The following PDE10A variants were observed in gnomAD, a reference collection of about 807,000 sequenced individuals.
The protein encoded by PDE10A is cAMP and cAMP-inhibited cGMP 3',5'-cyclic phosphodiesterase 10A.
PDE10A carries 39 observed loss-of-function variants against 97.7 expected under a neutral mutation model. That is an observed-to-expected ratio of 0.40 (90% CI 0.31 to 0.52). PDE10A has a LOEUF of 0.52. PDE10A is among the 20% of genes least tolerant of loss of function. The pLI is 0.56. For synonymous variants in PDE10A, 371 were observed against 376.8 expected, an observed-to-expected ratio of 0.98 and a Z score of 0.18; for missense variants, 731 against 1,047.8, an observed-to-expected ratio of 0.70 and a Z score of 4.17.
chr6:165,880,733 T>TA (rs1781449994), intron 1 of PDE10A, among the ~76,000 whole-genome samples: 1 of 152,238 alleles, frequency 6.6e-6, no homozygotes, highest in Admixed American at 6.5e-5. Context: ...TTTCCAATCA[T>TA]AAAATCATAC....
At chr6:165,709,920 C>T (rs1791852656) in intron 1 of PDE10A, among the ~76,000 whole-genome samples, 1 of 151,746 alleles carries the variant, frequency 6.6e-6, no homozygotes, top group Non-Finnish European at 1.5e-5. Context: ...AAGATCAAGA[C>T]CTATCACCTC....
At chr6:165,973,481 G>T (rs767938919) in intron 1 of PDE10A, among the ~76,000 whole-genome samples, 1 of 152,020 alleles carries the variant, frequency 6.6e-6, no homozygotes, top group Non-Finnish European at 1.5e-5. Context: ...CATATGTTTT[G>T]TGAGTGAAAG....
intron 1 of PDE10A, among the ~76,000 whole-genome samples, chr6:165,607,052 C>T (rs538990822): frequency 6.6e-6 from 1 of 152,114 alleles, no homozygotes; most frequent in Admixed American, 6.5e-5. Flanking sequence ...TATTTTCTTG[C>T]TTCCCAACTT....
At chr6:165,514,421 G>A (rs1344331518) in intron 2 of PDE10A, among the ~76,000 whole-genome samples, 2 of 152,180 alleles carry the variant, frequency 1.3e-5, no homozygotes, top group Admixed American at 1.3e-4. Flanking sequence ...GTTTGCTGTG[G>A]GAAGATGTTT....
chr6:165,482,165 T>A (rs1779642346), intron 3 of PDE10A, 150 bp downstream of exon 3: 1 of 688,788 alleles, frequency 1.5e-6, no homozygotes, highest in East Asian at 2.6e-5. Context: ...CTACTGACTT[T>A]ATTCCATATT....
chr6:165,915,447 A>C (rs1452621749), intron 1 of PDE10A, among the ~76,000 whole-genome samples: 2 of 152,238 alleles, frequency 1.3e-5, no homozygotes. Flanking sequence ...GTGTGTGCGG[A>C]GGGAGTGGCT....
intron 17 of PDE10A, among the ~76,000 whole-genome samples, chr6:165,387,052 G>T (rs1785357724): frequency 6.6e-6 from 1 of 151,938 alleles, no homozygotes; most frequent in African/African-American, 2.4e-5. Context: ...TTTTATGCCG[G>T]TATGTATGTA....
rs564156364 is a variant in PDE10A at position 165,954,519 on chromosome 6, G to A, written c.-615+33010C>T. ...AGGAACACAAAACTCAACCAGCAGA[G>A]CATAAAACAGGGTTAGGATTCGTTT... On this transcript the variant is annotated intron_variant, in intron 1 of 19. Coordinates refer to the PDE10A transcript ENST00000366882. 2.0e-5 allele frequency among the ~76,000 whole-genome samples: 3 copies of A among 152,278 alleles called. No homozygotes were observed. The East Asian group carries it at 5.8e-4, about 30-fold the overall frequency.
intron 1 of PDE10A, among the ~76,000 whole-genome samples, chr6:165,597,893 A>T (rs1312102170): frequency 6.6e-6 from 1 of 152,226 alleles, no homozygotes; most frequent in Non-Finnish European, 1.5e-5. Flanking sequence ...GGTAAAATGG[A>T]AAAGAAAAGA....
At chr6:165,545,364 C>T in intron 1 of PDE10A, 1 of 314,476 alleles carries the variant, frequency 3.2e-6, no homozygotes, top group Non-Finnish European at 6.1e-6. Context: ...CACTTCTTCC[C>T]AAAGAGATTT....
At chr6:165,826,219 G>A (rs1470440294) in intron 1 of PDE10A, among the ~76,000 whole-genome samples, 1 of 152,124 alleles carries the variant, frequency 6.6e-6, no homozygotes, top group African/African-American at 2.4e-5. Flanking sequence ...TAGACTCCAG[G>A]TGACCTGGGC....
chr6:165,547,263 T>C (rs1427252875), intron 1 of PDE10A, among the ~76,000 whole-genome samples: 5 of 152,114 alleles, frequency 3.3e-5, no homozygotes, highest in African/African-American at 1.2e-4. Context: ...TCATTTTCAT[T>C]TCATTTTTCA....
chr6:165,737,919 A>G (rs2128452560), intron 1 of PDE10A, among the ~76,000 whole-genome samples: 1 of 152,352 alleles, frequency 6.6e-6, no homozygotes, highest in East Asian at 1.9e-4. Flanking sequence ...GACTATACAA[A>G]TAAGACATTT....
At chr6:165,684,547 A>G (rs1319774396) in intron 1 of PDE10A, among the ~76,000 whole-genome samples, 3 of 152,206 alleles carry the variant, frequency 2.0e-5, no homozygotes, top group African/African-American at 7.2e-5. Flanking sequence ...CATTGGATGC[A>G]TGGGCAACAC....
upstream of PDE10A, among the ~76,000 whole-genome samples, chr6:165,663,372 G>A (rs1223957242): frequency 2.0e-5 from 3 of 152,014 alleles, no homozygotes; most frequent in Non-Finnish European, 4.4e-5. Context: ...GCCTGCACCC[G>A]GGGCCGGGGC....
rs568067848 is a variant in PDE10A at position 165,373,674 on chromosome 6, G to A, written c.2783+5520C>T. On this transcript the variant is annotated intron_variant, in intron 18 of 21. Transcript: ENST00000539869. ...CAACCATTGTGGAAGTCAGTGTGGC[G>A]ATTCCTCAGGGATCTAGAACTAGAA... 6.3e-3 allele frequency among the ~76,000 whole-genome samples: 952 copies of A among 152,170 alleles called. 12 individuals are homozygous for A. The highest frequency in any genetic ancestry group is 0.011 in the Non-Finnish European group (714 of 67,982).
At chr6:165,803,030 G>A (rs1267135668) in intron 1 of PDE10A, among the ~76,000 whole-genome samples, 1 of 152,208 alleles carries the variant, frequency 6.6e-6, no homozygotes, top group African/African-American at 2.4e-5. Context: ...CGTGGTGTCT[G>A]ACATAATATT....
intron 1 of PDE10A, among the ~76,000 whole-genome samples, chr6:165,672,338 C>T (rs757462373): frequency 7.9e-5 from 12 of 152,208 alleles, no homozygotes; most frequent in Non-Finnish European, 1.3e-4. Context: ...ATACACCTAA[C>T]TTAACAAACA....
At chr6:165,735,411 T>C (rs1259901485) in intron 1 of PDE10A, among the ~76,000 whole-genome samples, 1 of 151,796 alleles carries the variant, frequency 6.6e-6, no homozygotes, top group Non-Finnish European at 1.5e-5. Context: ...GGTAGGTACA[T>C]AGGTAGATAG....
Sources: gnomAD v4.1 joint callset for allele counts (sites outside exome capture counted in the v4.1 genomes callset) on GRCh38, gnomAD v4.1.1 for gene constraint, MANE v1.5 for transcripts, NCBI Gene and HGNC (gene_info 2026-07-23, HGNC 2026-07-21) for gene names.